Variants in NECAB1 observed in about 807,000 individuals in gnomAD.
The protein encoded by NECAB1 is N-terminal EF-hand calcium binding protein 1.
Under a neutral mutation model 57.5 loss-of-function variants are expected in NECAB1, and 29 were observed. The observed-to-expected ratio is 0.50, with a 90% CI of 0.38 to 0.69. The LOEUF (loss-of-function observed/expected upper bound fraction) is 0.69, where lower values mean the gene tolerates loss of function less well. Among genes scored for constraint, NECAB1 ranks in the 30% least tolerant of loss-of-function variants. The pLI, the probability that NECAB1 is intolerant of heterozygous loss-of-function variation, is 0.00. For synonymous variants in NECAB1, 142 were observed against 147.7 expected (o/e 0.96, Z 0.28); for missense variants, 372 against 413.8 (o/e 0.90, Z 0.88).
rs560747558 is a variant in NECAB1 at position 90,903,608 on chromosome 8, G to A, written c.358-13884G>A. 3.3e-5 allele frequency among the ~76,000 whole-genome samples: 5 copies of A among 152,256 alleles called. No homozygotes were observed. The South Asian group carries it at 8.3e-4, about 25-fold the overall frequency. ...ACTTTATCTCTTATGACAAGTTTGG[G>A]AGGTCCAAATAAATGAATCCATAGA... On this transcript the variant is annotated intron_variant, in intron 5 of 12. Transcript: ENST00000417640.
At chr8:90,924,793 T>C (rs1810218454) in intron 6 of NECAB1, among the ~76,000 whole-genome samples, 1 of 152,122 alleles carries the variant, frequency 6.6e-6, no homozygotes, top group Non-Finnish European at 1.5e-5. Context: ...CCTTACAACA[T>C]TTCCATTTGT....
chr8:90,883,492 T>C (rs993226410), intron 5 of NECAB1, among the ~76,000 whole-genome samples: 4 of 152,188 alleles, frequency 2.6e-5, no homozygotes, highest in Non-Finnish European at 5.9e-5. Flanking sequence ...TAGGGTTTTA[T>C]GAAAAATGAA....
At chr8:90,892,910 A>G (rs1416859380) in intron 5 of NECAB1, among the ~76,000 whole-genome samples, 1 of 152,024 alleles carries the variant, frequency 6.6e-6, no homozygotes, top group Non-Finnish European at 1.5e-5. Flanking sequence ...CCCAAATCTG[A>G]GCCTTCCCTG....
chr8:90,955,108 TAAATTATATATATATATATATATA>T (rs1811002961), intron 12 of NECAB1, among the ~76,000 whole-genome samples: 1 of 73,494 alleles, frequency 1.4e-5, no homozygotes, highest in African/African-American at 6.1e-5. Context: ...ATTGGGTATA[TAAATTATATATATATATATATATA>T]TATATATATA....
At chr8:90,907,321 A>G (rs1389999305) in intron 5 of NECAB1, among the ~76,000 whole-genome samples, 1 of 152,162 alleles carries the variant, frequency 6.6e-6, no homozygotes, top group Non-Finnish European at 1.5e-5. Flanking sequence ...ACCTTGACAC[A>G]AACTCAATGC....
intron 3 of NECAB1, among the ~76,000 whole-genome samples, chr8:90,845,785 G>A (rs1288342631): frequency 1.3e-5 from 2 of 152,134 alleles, no homozygotes; most frequent in African/African-American, 4.8e-5. Context: ...CAAAATCAAA[G>A]GTCAGTAGTC....
chr8:90,915,757 C>CCAA (rs1335618594), intron 5 of NECAB1, among the ~76,000 whole-genome samples: 1 of 152,154 alleles, frequency 6.6e-6, no homozygotes, highest in Non-Finnish European at 1.5e-5. Context: ...AGTAGGGAAG[C>CCAA]CAACAGTCCA....
At chr8:90,822,072 G>T (rs1188743066) in intron 2 of NECAB1, among the ~76,000 whole-genome samples, 1 of 151,706 alleles carries the variant, frequency 6.6e-6, no homozygotes, top group Non-Finnish European at 1.5e-5. Flanking sequence ...AGTTGAAAAA[G>T]CTGAAAAACC....
At chr8:90,952,324 G>A (rs1810937883) in intron 12 of NECAB1, among the ~76,000 whole-genome samples, 1 of 152,106 alleles carries the variant, frequency 6.6e-6, no homozygotes, top group South Asian at 2.1e-4. Context: ...TTGAAGCCTG[G>A]GATTGGTAAG....
intron 8 of NECAB1, among the ~76,000 whole-genome samples, chr8:90,932,285 C>T (rs1810430482): frequency 1.3e-5 from 2 of 152,128 alleles, no homozygotes; most frequent in African/African-American, 2.4e-5. Context: ...ATGATTTAGA[C>T]AGGGCATTCA....
At chr8:90,888,079 G>A (rs1054819608) in intron 5 of NECAB1, among the ~76,000 whole-genome samples, 3 of 151,918 alleles carry the variant, frequency 2.0e-5, no homozygotes, top group African/African-American at 4.8e-5. Flanking sequence ...CAGAAATAAG[G>A]TATAGTGATA....
At chr8:90,822,954 A>T (rs960980344) in intron 2 of NECAB1, among the ~76,000 whole-genome samples, 3 of 151,574 alleles carry the variant, frequency 2.0e-5, no homozygotes, top group African/African-American at 7.3e-5. Flanking sequence ...CAACCTGGCA[A>T]TACATTTTTC....
intron 4 of NECAB1, among the ~76,000 whole-genome samples, chr8:90,878,980 C>CTACATATATTATATATAGATA (rs1460159025): frequency 1.5e-4 from 21 of 144,700 alleles, no homozygotes; most frequent in African/African-American, 4.8e-4. Context: ...CTCTCTCTCT[C>CTACATATATTATATATAGATA]TCTACATATA....
intron 8 of NECAB1, 115 bp downstream of exon 8, chr8:90,928,414 C>A: frequency 1.4e-6 from 1 of 690,350 alleles, no homozygotes; most frequent in East Asian, 3.1e-5. Context: ...GCCAGGATCC[C>A]AATGATTCTA....
Position 90,907,188 on chromosome 8 carries a change from G to GAGAGAGAGAGAGAGAGAGAGA in NECAB1, c.358-10303_358-10302insGAGAGAGAGAGAGAGAGAGAA, listed in dbSNP as rs370070496. 6.3e-5 allele frequency among the ~76,000 whole-genome samples: 9 copies of GAGAGAGAGAGAGAGAGAGAGA among 142,548 alleles called. No individual in the cohort carries two copies. The East Asian group carries it at 1.5e-3, about 24-fold the overall frequency. 93.5% of individuals were successfully genotyped at this position (142,548 alleles called of 152,430 possible). On this transcript the variant is annotated intron_variant, in intron 5 of 12. Coordinates refer to ENST00000417640, the MANE Select transcript of NECAB1 (RefSeq NM_022351.5). ...AGAGAGAGAGAGAGAGAGAGAGAGA[G>GAGAGAGAGAGAGAGAGAGAGA]AATTAGTAGACTGCATTGTTTTAGC...
At chr8:90,951,540 T>TCCA (rs755796665) in intron 12 of NECAB1, among the ~76,000 whole-genome samples, 12 of 152,168 alleles carry the variant, frequency 7.9e-5, no homozygotes, top group Non-Finnish European at 1.3e-4. Flanking sequence ...GGATACAATT[T>TCCA]GTTCATCTAC....
intron 3 of NECAB1, among the ~76,000 whole-genome samples, chr8:90,852,364 C>T (rs1369983215): frequency 6.6e-6 from 1 of 151,722 alleles, no homozygotes; most frequent in Non-Finnish European, 1.5e-5. Flanking sequence ...GACATCATAG[C>T]TTCAAGGTTT....
chr8:90,870,778 T>A (rs1363083424), intron 3 of NECAB1, among the ~76,000 whole-genome samples: 1 of 152,210 alleles, frequency 6.6e-6, no homozygotes, highest in Non-Finnish European at 1.5e-5. Context: ...TTTGTAGATG[T>A]TGCAACCTCA....
chr8:90,800,865 C>T (rs1010501387), intron 1 of NECAB1, among the ~76,000 whole-genome samples: 4 of 152,070 alleles, frequency 2.6e-5, no homozygotes, highest in Admixed American at 6.5e-5. Flanking sequence ...CCCTGCCCAA[C>T]ACTGGAGCAC....
Sources: gnomAD v4.1 joint callset for allele counts (sites outside exome capture counted in the v4.1 genomes callset) on GRCh38, gnomAD v4.1.1 for gene constraint, MANE v1.5 for transcripts, NCBI Gene and HGNC (gene_info 2026-07-23, HGNC 2026-07-21) for gene names.